OR4D10: variants seen among roughly 807,000 people sequenced by gnomAD.
The protein encoded by OR4D10 is olfactory receptor family 4 subfamily D member 10, also known as olfactory receptor 4D10.
For missense variants in OR4D10, 395 were observed against 378.0 expected, an observed-to-expected ratio of 1.04 and a Z score of -0.37; for synonymous variants, 188 against 153.2, an observed-to-expected ratio of 1.23 and a Z score of -1.68.
At position 59,477,789 on chromosome 11, in the gene OR4D10, G is replaced by A; in HGVS notation, c.360G>A (p.Leu120=). 6.2e-7 allele frequency: 1 copy of A among 1,614,032 alleles called. No individual in the cohort carries two copies. The highest frequency in any genetic ancestry group is 8.5e-7 in the Non-Finnish European group (1 of 1,180,010). ...TATTTTCTCTTTCGGTGATGGCATT[G>A]GATCGATATGTGGCCATCTCCAAGC... is the stretch of plus-strand genomic sequence containing the variant. The part of the protein sequence containing the change: ...VDVFSLSVMA[L]DRYVAISKPL... Residue 120 remains leucine, a synonymous_variant, in exon 3 of 3, where the codon TTG becomes TTA. Transcript: ENST00000530162.
In OR4D10 at chr11:59,478,115, C is replaced by G; in HGVS notation, c.686C>G (p.Ala229Gly). The G allele has an allele frequency of 3.1e-6, 5 of 1,614,156 alleles. No individual in the cohort carries two copies. The South Asian group carries it at 5.5e-5, about 18-fold the overall frequency. The change falls in exon 3 of 3, where the codon GCA (alanine) becomes GGA (glycine). Residue 229 changes from alanine to glycine, a missense_variant. By Grantham distance (60) the Ala-to-Gly change is moderately conservative. Transcript: ENST00000530162. ...ATATTATCATTACCCAAGTCTCAGG[C>G]AGGAGAGGGCAGGAGGAAAGCCATC... ...IVILSLPKSQAGEGRRKAIST... is the reference protein window; with the variant it reads ...IVILSLPKSQGGEGRRKAIST...
chr11:59,477,657 C>T lies in OR4D10; in HGVS notation c.228C>T (p.Ile76=). The part of the protein sequence containing the change: ...LSIADICFSS[I]TVPKVLVDLL... ...TTGCCGATATCTGCTTCTCTTCCATCACAGTGCCCAAGGTTCTGGTGGACC... is the reference window on the plus strand; with the variant it reads ...TTGCCGATATCTGCTTCTCTTCCATTACAGTGCCCAAGGTTCTGGTGGACC... Residue 76 remains isoleucine, a synonymous_variant, in exon 3 of 3, where the codon ATC becomes ATT. Transcript: ENST00000530162. 2 of 1,614,172 alleles carry T rather than the reference C, an allele frequency of 1.2e-6. No homozygotes were observed. Among genetic ancestry groups the T allele is most frequent in the Non-Finnish European group, 1.7e-6 (2 of 1,180,012 alleles).
chr11:59,478,123 G>A lies in OR4D10; in HGVS notation c.694G>A (p.Gly232Ser), dbSNP rs916936865. 2 of 1,613,808 alleles carry A rather than the reference G, an allele frequency of 1.2e-6. No individual in the cohort carries two copies. The highest frequency in any genetic ancestry group is 1.3e-5 in the African/African-American group (1 of 74,840). Residue 232 changes from glycine (G) to serine (S), a missense_variant, in exon 3 of 3, where the codon GGC becomes AGC. Coordinates refer to ENST00000530162, the MANE Select transcript of OR4D10 (RefSeq NM_001004705.2). ...ATTACCCAAGTCTCAGGCAGGAGAGGGCAGGAGGAAAGCCATCTCCACCTG... is the reference window on the plus strand; with the variant it reads ...ATTACCCAAGTCTCAGGCAGGAGAGAGCAGGAGGAAAGCCATCTCCACCTG... Reference protein sequence around the residue: ...LSLPKSQAGEGRRKAISTCTS... With the variant: ...LSLPKSQAGESRRKAISTCTS...
chr11:59,477,428 G>A lies in OR4D10; in HGVS notation c.-2G>A, dbSNP rs1157182475. ...ACCAAAGAGAATAAAGAGGATGATT[G>A]AATGGAGATGGAAAACTGCACCAGG... is the stretch of plus-strand genomic sequence containing the variant. On this transcript the variant is annotated 5_prime_UTR_variant, in exon 3 of 3. An upstream open reading frame in the 5' UTR loses its in-frame stop. Coordinates refer to ENST00000530162, the MANE Select transcript of OR4D10 (RefSeq NM_001004705.2). 25 of 1,549,064 alleles carry A rather than the reference G, an allele frequency of 1.6e-5. No homozygotes were observed. The highest frequency in any genetic ancestry group is 2.2e-5 in the Non-Finnish European group (25 of 1,149,064).
rs1858929397 is a variant in OR4D10, at chr11:59,478,056, G to A, written c.627G>A (p.Leu209=). The change falls in exon 3 of 3, where the codon CTG becomes CTA. Residue 209 remains leucine (L), a synonymous_variant. Coordinates refer to ENST00000530162, the MANE Select transcript of OR4D10 (RefSeq NM_001004705.2). ...MISNNGLLTT[L]WFFLLLVSYI... Reference sequence around the variant, plus strand: ...CCAACAATGGACTGCTCACCACACTGTGGTTTTTCCTGCTCCTGGTGTCCT... The same window carrying A: ...CCAACAATGGACTGCTCACCACACTATGGTTTTTCCTGCTCCTGGTGTCCT... The A allele has an allele frequency of 1.9e-6, 3 of 1,613,998 alleles. No homozygotes were observed. Among genetic ancestry groups the A allele is most frequent in the Non-Finnish European group, 2.5e-6 (3 of 1,180,038 alleles).
At position 59,477,317 on chromosome 11, in the gene OR4D10, G is replaced by A. The variant is rs1282370078; in HGVS notation, c.-113G>A. Reference sequence around the variant, plus strand: ...GCAACAAACTGCAAAAACTACAACCGCATGGGAAGTTTCTGCACTGCATTC... The same window carrying A: ...GCAACAAACTGCAAAAACTACAACCACATGGGAAGTTTCTGCACTGCATTC... On this transcript the variant is annotated 5_prime_UTR_variant, in exon 3 of 3. Transcript: ENST00000530162. 13 of 696,084 alleles carry A rather than the reference G, an allele frequency of 1.9e-5. No homozygotes were observed. Among genetic ancestry groups the A allele is most frequent in the Middle Eastern group, 2.5e-4 (1 of 4,014 alleles). The allele number at this position is 696,084 out of a possible 1,614,324, so 43.1% of individuals were successfully genotyped here.
rs756093309 is a variant in OR4D10 at position 59,478,155 on chromosome 11, C to T, written c.726C>T (p.Ser242=). The T allele has an allele frequency of 1.2e-5, 19 of 1,614,122 alleles. 1 individual carries two copies. The Middle Eastern group carries it at 5.0e-4, about 42-fold the overall frequency. Residue 242 remains serine, a synonymous_variant, in exon 3 of 3, where the codon TCC becomes TCT. Transcript: ENST00000530162. Reference sequence around the variant, plus strand: ...GGAAAGCCATCTCCACCTGCACCTCCCACATCACTGTGGTGACCCTGCATT... The same window carrying T: ...GGAAAGCCATCTCCACCTGCACCTCTCACATCACTGTGGTGACCCTGCATT... ...GRRKAISTCT[S]HITVVTLHFV...
At position 59,477,565 on chromosome 11, in the gene OR4D10, A is replaced by G; in HGVS notation, c.136A>G (p.Met46Val). ...VTTLLGNLLI[M>V]VTVTCESRLH... The stretch of plus-strand genomic sequence containing the variant: ...AACTTTGCTGGGAAACCTCCTCATC[A>G]TGGTCACTGTTACCTGTGAATCTCG... The change falls in exon 3 of 3, where the codon ATG becomes GTG. Residue 46 changes from methionine to valine, a missense_variant. Coordinates refer to ENST00000530162, the MANE Select transcript of OR4D10 (RefSeq NM_001004705.2). 6.2e-7 allele frequency: 1 copy of G among 1,614,088 alleles called. No individual in the cohort carries two copies. The highest frequency in any genetic ancestry group is 8.5e-7 in the Non-Finnish European group (1 of 1,179,998).
Position 59,477,717 on chromosome 11 carries a change from T to C in OR4D10, c.288T>C (p.His96=), listed in dbSNP as rs766367746. ...LSERKTISFN[H]CFTQMFLFHL... ...AAAGAAAGACCATCTCCTTCAATCA[T>C]TGCTTCACTCAGATGTTTCTATTCC... The change falls in exon 3 of 3, where the codon CAT becomes CAC. Residue 96 remains histidine (H), a synonymous_variant. Transcript: ENST00000530162. 5.6e-6 allele frequency: 9 copies of C among 1,614,064 alleles called. No individual in the cohort carries two copies. In the African/African-American group the frequency reaches 6.7e-5, roughly 12 times the overall value.
In OR4D10 at chr11:59,478,545, C is replaced by A. The variant is rs1858936913; in HGVS notation, c.*180C>A. ...CTGGTCAGGGAGAGATTCACACCTT[C>A]TAATTGAAAATAAACCAGAGCTCCC... On this transcript the variant is annotated 3_prime_UTR_variant, in exon 3 of 3. Transcript: ENST00000530162. 1.1e-5 allele frequency: 5 copies of A among 445,562 alleles called. No homozygotes were observed. The South Asian group carries it at 2.2e-4, about 19-fold the overall frequency. 27.6% of individuals were successfully genotyped at this position (445,562 alleles called of 1,614,324 possible). A position where few individuals can be genotyped will look rare whatever the true frequency, so the allele number is the denominator to read the frequency against.
chr11:59,478,182 C>T lies in OR4D10; in HGVS notation c.753C>T (p.Phe251=), dbSNP rs745354828. The T allele has an allele frequency of 2.8e-5, 45 of 1,613,956 alleles. No individual in the cohort carries two copies. The highest frequency in any genetic ancestry group is 9.9e-5 in the South Asian group (9 of 91,090). The change falls in exon 3 of 3, where the codon TTC becomes TTT. Residue 251 remains phenylalanine (F), a synonymous_variant. Coordinates refer to ENST00000530162, the MANE Select transcript of OR4D10 (RefSeq NM_001004705.2). The stretch of plus-strand genomic sequence containing the variant: ...ACATCACTGTGGTGACCCTGCATTT[C>T]GTGCCCTGCATCTATGTCTATGCCC... ...TSHITVVTLH[F]VPCIYVYARP... is the part of the protein sequence containing the mutation.
chr11:59,479,116 A>C lies in OR4D10; in HGVS notation c.*751A>C, dbSNP rs772475191. 6.6e-6 allele frequency: 1 copy of C among 152,198 alleles called. No individual in the cohort carries two copies. The allele number at this position is 152,198 out of a possible 1,614,324, so 9.4% of individuals were successfully genotyped here. A position where few individuals can be genotyped will look rare whatever the true frequency, so the allele number is the denominator to read the frequency against. On this transcript the variant is annotated 3_prime_UTR_variant, in exon 3 of 3. Transcript: ENST00000530162. The stretch of plus-strand genomic sequence containing the variant: ...TTGGCACTCTGTGCTTAGGGTTAGC[A>C]TTGCACTCAGGACTCTATTTTGAAA...
At chr11:59,474,743 T>C (rs1360283692) in intron 2 of OR4D10, among the ~76,000 whole-genome samples, 1 of 152,044 alleles carries the variant, frequency 6.6e-6, no homozygotes, top group Non-Finnish European at 1.5e-5. Flanking sequence ...TAGAAGTTCA[T>C]GGATCAGAGT....
Position 59,477,915 on chromosome 11 carries a change from G to C in OR4D10, c.486G>C (p.Leu162=). The change falls in exon 3 of 3, where the codon CTG becomes CTC. Residue 162 remains leucine (L), a synonymous_variant. Transcript: ENST00000530162. ...GFVHSIVQIS[L]LLPLPFCGPN... ...TCCACTCCATCGTGCAGATTTCCCT[G>C]TTGCTCCCACTCCCTTTCTGCGGAC... 6.2e-7 allele frequency: 1 copy of C among 1,614,084 alleles called. No individual in the cohort carries two copies. The highest frequency in any genetic ancestry group is 8.5e-7 in the Non-Finnish European group (1 of 1,180,016).
chr11:59,478,480 T>C lies in OR4D10; in HGVS notation c.*115T>C. On this transcript the variant is annotated 3_prime_UTR_variant, in exon 3 of 3. Transcript: ENST00000530162. ...TCAAACCAACTACACTTAGTAATAA[T>C]TAATTTTTCTATTTATGTTAGTAAG... is the stretch of plus-strand genomic sequence containing the variant. 1.5e-6 allele frequency: 1 copy of C among 688,006 alleles called. No individual in the cohort carries two copies. Among genetic ancestry groups the C allele is most frequent in the Admixed American group, 3.3e-5 (1 of 30,660 alleles). The allele number at this position is 688,006 out of a possible 1,614,324, so 42.6% of individuals were successfully genotyped here. A position where few individuals can be genotyped will look rare whatever the true frequency, so the allele number is the denominator to read the frequency against.
At position 59,478,504 on chromosome 11, in the gene OR4D10, A is replaced by G. The variant is rs1565084478; in HGVS notation, c.*139A>G. The G allele has an allele frequency of 3.4e-6, 2 of 584,128 alleles. No homozygotes were observed. Among genetic ancestry groups the G allele is most frequent in the East Asian group, 2.9e-5 (1 of 34,228 alleles). 36.2% of individuals were successfully genotyped at this position (584,128 alleles called of 1,614,324 possible). On this transcript the variant is annotated 3_prime_UTR_variant, in exon 3 of 3. Coordinates refer to ENST00000530162, the MANE Select transcript of OR4D10 (RefSeq NM_001004705.2). Reference sequence around the variant, plus strand: ...ATTAATTTTTCTATTTATGTTAGTAAGTAACTGATAAGCTTCTGGTCAGGG... The same window carrying G: ...ATTAATTTTTCTATTTATGTTAGTAGGTAACTGATAAGCTTCTGGTCAGGG...
chr11:59,473,859 G>A (rs1164746246), intron 2 of OR4D10, 66 bp downstream of exon 2: 1 of 152,182 alleles, frequency 6.6e-6, no homozygotes. Flanking sequence ...TGATCCATTT[G>A]GTGTGAGAGG....
rs1331496319 is a variant in OR4D10, at chr11:59,477,501, C to T, written c.72C>T (p.Ser24=). The change falls in exon 3 of 3, where the codon AGC becomes AGT. Residue 24 remains serine, a synonymous_variant. Transcript: ENST00000530162. ...GCCTGACCCAGAATCGGGAAGTGAGCTTAGTCTTATTTCTTTTCCTACTCT... is the reference window on the plus strand; with the variant it reads ...GCCTGACCCAGAATCGGGAAGTGAGTTTAGTCTTATTTCTTTTCCTACTCT... ...FLGLTQNREV[S]LVLFLFLLLV... 2 of 1,613,092 alleles carry T rather than the reference C, an allele frequency of 1.2e-6. No individual in the cohort carries two copies. Among genetic ancestry groups the T allele is most frequent in the East Asian group, 2.2e-5 (1 of 44,880 alleles).
chr11:59,475,060 C>CAAAAAAAAAAAAG (rs1554970643), intron 2 of OR4D10, among the ~76,000 whole-genome samples: 8 of 66,782 alleles, frequency 1.2e-4, no homozygotes, highest in African/African-American at 4.7e-4. Flanking sequence ...GACTCTGTCT[C>CAAAAAAAAAAAAG]AAAAAAAAAA....
Sources: allele counts gnomAD v4.1 joint callset (sites outside exome capture counted in the v4.1 genomes callset), GRCh38; gene constraint gnomAD v4.1.1; transcripts MANE v1.5; gene names NCBI Gene and HGNC (gene_info 2026-07-23, HGNC 2026-07-21).